Variants in CTNND2 observed in about 807,000 individuals in gnomAD.
CTNND2 encodes the protein catenin delta-2.
A neutral mutation model predicts 144.4 loss-of-function variants in CTNND2; 22 were observed. The ratio of observed to expected loss-of-function variants is 0.15; its 90% CI spans 0.11 to 0.22. The LOEUF is 0.22. CTNND2 is among the 10% of genes least tolerant of loss of function. CTNND2 has a pLI of 1.00. For synonymous variants in CTNND2, 751 were observed against 695.6 expected (o/e 1.08, Z -1.25); for missense variants, 1,353 against 1,618.8 (o/e 0.84, Z 2.82).
At chr5:11,304,325 C>A (rs1749942138) in intron 9 of CTNND2, among the ~76,000 whole-genome samples, 1 of 151,868 alleles carries the variant, frequency 6.6e-6, no homozygotes. Context: ...ACACCACACA[C>A]ACACACACAC....
At chr5:11,130,592 T>A (rs1257023169) in intron 12 of CTNND2, among the ~76,000 whole-genome samples, 1 of 152,106 alleles carries the variant, frequency 6.6e-6, no homozygotes, top group African/African-American at 2.4e-5. Flanking sequence ...GGAAGAAAGG[T>A]GTGGATGCTG....
In CTNND2 at chr5:11,616,550, T is replaced by TCC. The variant is rs1561623886; in HGVS notation, c.175-51495_175-51494insGG. Among the ~76,000 whole-genome samples, 89 of 151,264 alleles carry TCC rather than the reference T, an allele frequency of 5.9e-4. 2 individuals carry two copies. The highest frequency in any genetic ancestry group is 1.8e-3 in the African/African-American group (74 of 41,206). ...TGCTTCCTTCCTTCCTTGCTTCCTT[T>TCC]CTCCCTCCCTCCCTCCTTCCCTTCC... On this transcript the variant is annotated intron_variant, in intron 2 of 21. Coordinates refer to ENST00000304623, the MANE Select transcript of CTNND2 (RefSeq NM_001332.4).
At chr5:11,728,755 G>C (rs1357736446) in intron 2 of CTNND2, among the ~76,000 whole-genome samples, 1 of 151,768 alleles carries the variant, frequency 6.6e-6, no homozygotes, top group Non-Finnish European at 1.5e-5. Flanking sequence ...AATCATCTGG[G>C]GTTTGATAAT....
At chr5:11,598,663 T>G (rs1026643074) in intron 2 of CTNND2, among the ~76,000 whole-genome samples, 2 of 152,150 alleles carry the variant, frequency 1.3e-5, no homozygotes, top group Admixed American at 6.6e-5. Context: ...ATATACGAAT[T>G]GAAGATGAAG....
chr5:11,834,183 C>T (rs1000260604), intron 1 of CTNND2, among the ~76,000 whole-genome samples: 1 of 152,126 alleles, frequency 6.6e-6, no homozygotes, highest in Non-Finnish European at 1.5e-5. Context: ...TTCTTAATAA[C>T]TGCACCATCA....
chr5:11,076,425 AC>A (rs2149622659), intron 16 of CTNND2, among the ~76,000 whole-genome samples: 2 of 152,338 alleles, frequency 1.3e-5, no homozygotes, highest in East Asian at 3.9e-4. Flanking sequence ...ATTTTGCTAA[AC>A]TTTCTGTTGA....
chr5:11,497,862 A>T (rs1770132610), intron 3 of CTNND2, among the ~76,000 whole-genome samples: 1 of 152,110 alleles, frequency 6.6e-6, no homozygotes. Context: ...TTTGTGTCCC[A>T]CTGACTATGG....
chr5:11,106,263 C>T (rs1752420925), intron 14 of CTNND2, among the ~76,000 whole-genome samples: 1 of 152,168 alleles, frequency 6.6e-6, no homozygotes, highest in African/African-American at 2.4e-5. Flanking sequence ...CACAGATGTT[C>T]ATTACAGTTT....
chr5:11,313,721 C>T (rs749317865), intron 9 of CTNND2, among the ~76,000 whole-genome samples: 7 of 152,166 alleles, frequency 4.6e-5, no homozygotes, highest in East Asian at 1.9e-4. Flanking sequence ...AATTTGCAAC[C>T]GGTAATTGCA....
At chr5:11,852,280 ATTT>A (rs10612386) in intron 1 of CTNND2, among the ~76,000 whole-genome samples, 1,689 of 152,240 alleles carry the variant, frequency 0.011, 35 homozygotes, top group African/African-American at 0.038. Context: ...TCTGAAAGAG[ATTT>A]TTTTAAGTGC....
At chr5:11,601,786 C>T (rs774776183) in intron 2 of CTNND2, among the ~76,000 whole-genome samples, 1 of 151,980 alleles carries the variant, frequency 6.6e-6, no homozygotes, top group South Asian at 2.1e-4. Flanking sequence ...TAATTTAGAT[C>T]AAAATTCTTA....
intron 3 of CTNND2, among the ~76,000 whole-genome samples, chr5:11,420,528 A>C (rs1223384909): frequency 6.6e-6 from 1 of 152,178 alleles, no homozygotes; most frequent in East Asian, 1.9e-4. Context: ...TGAAAGTGTA[A>C]CATATTTAGT....
Position 11,899,754 on chromosome 5 carries a change from T to G in CTNND2, c.37+4063A>C, listed in dbSNP as rs201029415. Among the ~76,000 whole-genome samples the G allele has an allele frequency of 5.3e-5, 8 of 152,314 alleles. No homozygotes were observed. The East Asian group carries it at 1.3e-3, about 26-fold the overall frequency. ...ATCCTCAAAGAAATCTTTTAAGATA[T>G]TGTGTCTTATTCTACCCATTTTACA... On this transcript the variant is annotated intron_variant, in intron 1 of 21. Coordinates refer to ENST00000304623, the MANE Select transcript of CTNND2 (RefSeq NM_001332.4).
At chr5:11,489,511 G>A (rs1561467359) in intron 3 of CTNND2, among the ~76,000 whole-genome samples, 1 of 151,926 alleles carries the variant, frequency 6.6e-6, no homozygotes, top group Non-Finnish European at 1.5e-5. Flanking sequence ...AATAAATGTG[G>A]TCTGAAAATT....
intron 2 of CTNND2, among the ~76,000 whole-genome samples, chr5:11,692,596 T>A (rs996335850): frequency 1.3e-5 from 2 of 152,118 alleles, no homozygotes; most frequent in African/African-American, 4.8e-5. Context: ...GAAAACTAGG[T>A]CAACATTTTA....
intron 1 of CTNND2, among the ~76,000 whole-genome samples, chr5:11,874,327 G>A (rs1035049598): frequency 1.1e-4 from 16 of 152,072 alleles, no homozygotes; most frequent in African/African-American, 3.4e-4. Flanking sequence ...CCCCAAAACC[G>A]CAGAAAGTAC....
intron 9 of CTNND2, among the ~76,000 whole-genome samples, chr5:11,263,121 T>C (rs1283149448): frequency 1.3e-5 from 2 of 152,192 alleles, no homozygotes; most frequent in African/African-American, 2.4e-5. Context: ...AGAACACCTC[T>C]TCTAGCTGGC....
intron 3 of CTNND2, among the ~76,000 whole-genome samples, chr5:11,563,849 A>G (rs750341173): frequency 1.3e-5 from 2 of 152,198 alleles, no homozygotes; most frequent in Non-Finnish European, 2.9e-5. Context: ...AGTATTTTGG[A>G]ACAATGAATA....
At chr5:11,372,115 ATTT>A (rs989014646) in intron 7 of CTNND2, among the ~76,000 whole-genome samples, 5 of 152,180 alleles carry the variant, frequency 3.3e-5, no homozygotes, top group African/African-American at 4.8e-5. Context: ...TTCCGATACA[ATTT>A]ATTGTCATGA....
Sources: gnomAD v4.1 joint callset for allele counts (sites outside exome capture counted in the v4.1 genomes callset) on GRCh38, gnomAD v4.1.1 for gene constraint, MANE v1.5 for transcripts, NCBI Gene and HGNC (gene_info 2026-07-23, HGNC 2026-07-21) for gene names.